Variants in EML6 observed in about 807,000 individuals in gnomAD.
EML6 encodes the protein EMAP like 6, also known as echinoderm microtubule-associated protein-like 6.
EML6 carries 154 observed loss-of-function variants against 240.1 expected under a neutral mutation model. That is an observed-to-expected ratio of 0.64 (90% CI 0.56 to 0.73). The LOEUF (loss-of-function observed/expected upper bound fraction) is 0.73, where lower values mean the gene tolerates loss of function less well. Ranked by LOEUF, EML6 falls within the 30% of genes least tolerant of loss-of-function variation. The pLI is 0.00. For missense variants in EML6, 2,964 were observed against 2,474.6 expected (o/e 1.20, Z -4.20); for synonymous variants, 1,148 against 899.0 (o/e 1.28, Z -4.95).
rs899751487 is a variant in EML6, at chr2:54,813,518, A to G, written c.357+127A>G. ...GGTTCTTCTGGCACAGCCTCCTAGAATTTTTCACCTGTTTTTTCCCCTTTA... is the reference window on the plus strand; with the variant it reads ...GGTTCTTCTGGCACAGCCTCCTAGAGTTTTTCACCTGTTTTTTCCCCTTTA... On this transcript the variant is annotated intron_variant, in intron 3 of 41. Transcript: ENST00000356458. 5 of 813,552 alleles carry G rather than the reference A, an allele frequency of 6.1e-6. No homozygotes were observed. In the African/African-American group the frequency reaches 8.8e-5, roughly 14 times the overall value. The allele number at this position is 813,552 out of a possible 1,614,324, so 50.4% of individuals were successfully genotyped here.
chr2:54,839,377 G>C (rs1199985118), intron 7 of EML6, among the ~76,000 whole-genome samples: 1 of 152,204 alleles, frequency 6.6e-6, no homozygotes, highest in East Asian at 1.9e-4. Context: ...GAGTGACCTG[G>C]TATTGTATCT....
Position 54,863,197 on chromosome 2 carries a change from C to G in EML6, c.1826-586C>G, listed in dbSNP as rs1344801420. On this transcript the variant is annotated intron_variant, in intron 12 of 41. Coordinates refer to ENST00000356458, the MANE Select transcript of EML6 (RefSeq NM_001039753.4). ...GCATGGTTAAAAGGCTAAAGAGGAT[C>G]TGTATTGAAGTAAATGGTTGGGTTT... Among the ~76,000 whole-genome samples, 4 of 152,210 alleles carry G rather than the reference C, an allele frequency of 2.6e-5. No homozygotes were observed. In the East Asian group the frequency reaches 7.7e-4, roughly 29 times the overall value.
At chr2:54,861,770 T>C (rs1042959485) in intron 12 of EML6, among the ~76,000 whole-genome samples, 1 of 125,834 alleles carries the variant, frequency 7.9e-6, no homozygotes, top group African/African-American at 3.0e-5. Context: ...AGGTTTTTTG[T>C]TTTTTTTTTT....
At chr2:54,863,615 A>C (rs1670798880) in intron 12 of EML6, among the ~76,000 whole-genome samples, 168 bp from the exon 13 acceptor site, 1 of 152,248 alleles carries the variant, frequency 6.6e-6, no homozygotes, top group African/African-American at 2.4e-5. Context: ...GGTGGGCTGA[A>C]CTAAACCAAA....
intron 24 of EML6, among the ~76,000 whole-genome samples, chr2:54,906,466 C>T (rs1231538703): frequency 6.6e-6 from 1 of 152,112 alleles, no homozygotes; most frequent in East Asian, 1.9e-4. Context: ...AAGCAAACCT[C>T]CCTATTTCCA....
At chr2:54,839,380 T>C (rs1669322955) in intron 7 of EML6, among the ~76,000 whole-genome samples, 1 of 152,238 alleles carries the variant, frequency 6.6e-6, no homozygotes, top group African/African-American at 2.4e-5. Context: ...TGACCTGGTA[T>C]TGTATCTATT....
chr2:54,769,723 T>C (rs1245646174), intron 2 of EML6, among the ~76,000 whole-genome samples: 1 of 152,204 alleles, frequency 6.6e-6, no homozygotes, highest in Admixed American at 6.5e-5. Context: ...TCTGCCCTCT[T>C]TATGATGGTG....
At chr2:54,891,724 C>CAG (rs1300034142) in intron 18 of EML6, among the ~76,000 whole-genome samples, 1 of 152,282 alleles carries the variant, frequency 6.6e-6, no homozygotes. Context: ...CAAGCCCTAA[C>CAG]TTATTATGCA....
At chr2:54,941,623 A>G (rs891735451) in intron 28 of EML6, among the ~76,000 whole-genome samples, 1 of 152,360 alleles carries the variant, frequency 6.6e-6, no homozygotes, top group Non-Finnish European at 1.5e-5. Flanking sequence ...ATGGGGAGGA[A>G]CTTCTAGTTC....
rs138168721 is a variant in EML6, at chr2:54,837,045, C to T, written c.848-7002C>T. On this transcript the variant is annotated intron_variant, in intron 7 of 41. Coordinates refer to ENST00000356458, the MANE Select transcript of EML6 (RefSeq NM_001039753.4). Reference sequence around the variant, plus strand: ...ATCTCTGCTGTCTTTTCCACACCCTCTACCAATACTCCCTCTTAAGTTTGG... The same window carrying T: ...ATCTCTGCTGTCTTTTCCACACCCTTTACCAATACTCCCTCTTAAGTTTGG... Among the ~76,000 whole-genome samples the T allele has an allele frequency of 3.0e-3, 464 of 152,288 alleles. 2 individuals carry two copies. The highest frequency in any genetic ancestry group is 0.01 in the African/African-American group (433 of 41,562).
intron 28 of EML6, among the ~76,000 whole-genome samples, chr2:54,948,307 C>T (rs1046010705): frequency 1.3e-5 from 2 of 152,116 alleles, no homozygotes; most frequent in Admixed American, 6.6e-5. Context: ...GAGTGGGAGG[C>T]GGGAGTGCTG....
chr2:54,730,404 C>T (rs910740762), intron 2 of EML6, among the ~76,000 whole-genome samples: 2 of 152,054 alleles, frequency 1.3e-5, no homozygotes, highest in Non-Finnish European at 2.9e-5. Flanking sequence ...ATTCTTTAGT[C>T]CCTTGACCAG....
chr2:54,930,992 C>CA lies in EML6; in HGVS notation c.4004+2241_4004+2242insA, dbSNP rs1304474909. Among the ~76,000 whole-genome samples, 4 of 130,542 alleles carry CA rather than the reference C, an allele frequency of 3.1e-5. No homozygotes were observed. In the South Asian group the frequency reaches 1.0e-3, roughly 33 times the overall value. 85.6% of individuals were successfully genotyped at this position (130,542 alleles called of 152,430 possible). A position where few individuals can be genotyped will look rare whatever the true frequency, so the allele number is the denominator to read the frequency against. On this transcript the variant is annotated intron_variant, in intron 28 of 41. Transcript: ENST00000356458. ...TTTTTTTTTGAGACGGAGTCTCGCTCTGTCGCCCAGGCTGGAGTGCAGTGG... is the reference window on the plus strand; with the variant it reads ...TTTTTTTTTGAGACGGAGTCTCGCTCATGTCGCCCAGGCTGGAGTGCAGTGG...
In EML6 at chr2:54,763,859, C is replaced by T. The variant is rs1668074143; in HGVS notation, c.197+38601C>T. On this transcript the variant is annotated intron_variant, in intron 2 of 41. Transcript: ENST00000356458. Reference sequence around the variant, plus strand: ...GGCACCTTGGCTCTGATGCTGCCTTCAGGCTCCCTTCTCTGCCAGAGCGAG... The same window carrying T: ...GGCACCTTGGCTCTGATGCTGCCTTTAGGCTCCCTTCTCTGCCAGAGCGAG... Among the ~76,000 whole-genome samples, 4 of 152,200 alleles carry T rather than the reference C, an allele frequency of 2.6e-5. No homozygotes were observed. In the South Asian group the frequency reaches 8.3e-4, roughly 31 times the overall value.
In EML6 at chr2:54,950,109, A is replaced by G. The variant is rs1675898864; in HGVS notation, c.4084-541A>G. 2.6e-5 allele frequency among the ~76,000 whole-genome samples: 4 copies of G among 152,030 alleles called. No individual in the cohort carries two copies. In the South Asian group the frequency reaches 8.3e-4, roughly 31 times the overall value. On this transcript the variant is annotated intron_variant, in intron 29 of 41. Transcript: ENST00000356458. ...TTGTCTTAGAAGACAAGACAGGAAGATGAGAAAGACTATAAACCTCAACAG... is the reference window on the plus strand; with the variant it reads ...TTGTCTTAGAAGACAAGACAGGAAGGTGAGAAAGACTATAAACCTCAACAG...
rs113614053 is a variant in EML6 at position 54,829,217 on chromosome 2, A to G, written c.712-125A>G. On this transcript the variant is annotated intron_variant, in intron 6 of 41. Transcript: ENST00000356458. ...TACTTGGTCTATTGTCAGCATTTCAATAGAGAACAAAGGGGTTTTATTTTT... is the reference window on the plus strand; with the variant it reads ...TACTTGGTCTATTGTCAGCATTTCAGTAGAGAACAAAGGGGTTTTATTTTT... 4.9e-4 allele frequency: 392 copies of G among 802,624 alleles called. 1 individual carries two copies. In the African/African-American group the frequency reaches 6.0e-3, roughly 12 times the overall value. 49.7% of individuals were successfully genotyped at this position (802,624 alleles called of 1,614,324 possible).
At chr2:54,802,058 C>G (rs906315747) in intron 2 of EML6, among the ~76,000 whole-genome samples, 4 of 152,110 alleles carry the variant, frequency 2.6e-5, no homozygotes, top group Non-Finnish European at 5.9e-5. Flanking sequence ...CTTACTCATT[C>G]AACATGTATT....
At chr2:54,766,295 C>G (rs1384263370) in intron 2 of EML6, among the ~76,000 whole-genome samples, 4 of 152,096 alleles carry the variant, frequency 2.6e-5, no homozygotes, top group Non-Finnish European at 5.9e-5. Flanking sequence ...AAAGAAAATC[C>G]CAGATCACGT....
chr2:54,736,520 C>A (rs1683399466), intron 2 of EML6, among the ~76,000 whole-genome samples: 1 of 152,176 alleles, frequency 6.6e-6, no homozygotes, highest in South Asian at 2.1e-4. Flanking sequence ...TCATGAGGTT[C>A]TTAGTTGTCT....
Sources: allele counts gnomAD v4.1 joint callset (sites outside exome capture counted in the v4.1 genomes callset), GRCh38; gene constraint gnomAD v4.1.1; transcripts MANE v1.5; gene names NCBI Gene and HGNC (gene_info 2026-07-23, HGNC 2026-07-21).